The following OR2L13 variants were observed in gnomAD, a reference collection of about 807,000 sequenced individuals.
The protein encoded by OR2L13 is olfactory receptor 2L13.
In OR2L13, 14 loss-of-function variants were observed where a neutral mutation model predicts 15.3. That is an observed-to-expected ratio of 0.91 (90% CI 0.60 to 1.43). The LOEUF is 1.43. Ranked by LOEUF, OR2L13 falls within the 40% of genes most tolerant of loss-of-function variation. The probability of loss-of-function intolerance (pLI) is 0.00; values close to 1 mark genes in which losing one functional copy is unlikely to be tolerated. For missense variants in OR2L13, 367 were observed against 387.9 expected, an observed-to-expected ratio of 0.95 and a Z score of 0.45; for synonymous variants, 152 against 142.9, an observed-to-expected ratio of 1.06 and a Z score of -0.45.
the OR2L13 span, among the ~76,000 whole-genome samples, chr1:248,056,672 C>CT: frequency 0.73 from 98,274 of 135,040 alleles, 37,551 homozygotes; most frequent in South Asian, 0.89. Flanking sequence ...TTTGAGGGGG[C>CT]TTTTTTTTTT....
chr1:248,079,637 T>C, the OR2L13 span, among the ~76,000 whole-genome samples: 2 of 152,258 alleles, frequency 1.3e-5, no homozygotes, highest in Non-Finnish European at 2.9e-5. Context: ...ACATAGCCAG[T>C]CTATTAATTG....
chr1:247,967,854 C>T, the OR2L13 span, among the ~76,000 whole-genome samples: 5 of 129,400 alleles, frequency 3.9e-5, 1 homozygote, highest in African/African-American at 3.5e-5. Context: ...TCCTCCTTCT[C>T]CTCCTCCTCC....
chr1:248,099,248 A>G (rs1664795168), intron 2 of OR2L13, 110 bp from the exon 3 acceptor site: 1 of 665,938 alleles, frequency 1.5e-6, no homozygotes, highest in Non-Finnish European at 2.6e-6. Flanking sequence ...GTTAGTGGAG[A>G]AACAACTCAT....
At chr1:248,024,749 C>A in the OR2L13 span, among the ~76,000 whole-genome samples, 1 of 152,176 alleles carries the variant, frequency 6.6e-6, no homozygotes, top group East Asian at 1.9e-4. Context: ...GGGCTCTGCT[C>A]TGTTCCATTG....
chr1:248,066,613 A>G, the OR2L13 span, among the ~76,000 whole-genome samples: 2 of 152,232 alleles, frequency 1.3e-5, no homozygotes, highest in African/African-American at 4.8e-5. Context: ...ATTTTGTCTC[A>G]CTGCCACCAA....
chr1:247,989,482 G>T, the OR2L13 span, among the ~76,000 whole-genome samples: 1 of 152,004 alleles, frequency 6.6e-6, no homozygotes, highest in Non-Finnish European at 1.5e-5. Flanking sequence ...TTTGTGTTGG[G>T]CAGCAAACAT....
chr1:248,086,266 T>C, the OR2L13 span, among the ~76,000 whole-genome samples: 1 of 152,204 alleles, frequency 6.6e-6, no homozygotes, highest in Non-Finnish European at 1.5e-5. Context: ...TCTTAGACTT[T>C]CTAAATGGTT....
the OR2L13 span, among the ~76,000 whole-genome samples, chr1:248,045,503 G>A: frequency 1.4e-4 from 21 of 152,092 alleles, 1 homozygote; most frequent in Admixed American, 1.3e-3. Flanking sequence ...CTGTCTTACC[G>A]CATCAAATAA....
chr1:248,031,533 G>C, the OR2L13 span, among the ~76,000 whole-genome samples: 4 of 152,198 alleles, frequency 2.6e-5, no homozygotes, highest in East Asian at 5.8e-4. Flanking sequence ...TGACATGCAG[G>C]GGGTGAGGAG....
At chr1:247,964,404 A>G in the OR2L13 span, among the ~76,000 whole-genome samples, 2 of 152,184 alleles carry the variant, frequency 1.3e-5, no homozygotes, top group South Asian at 2.1e-4. Flanking sequence ...GCACAAGTAA[A>G]TTCCAAATTT....
At chr1:248,031,075 G>T in the OR2L13 span, among the ~76,000 whole-genome samples, 1 of 152,060 alleles carries the variant, frequency 6.6e-6, no homozygotes, top group Non-Finnish European at 1.5e-5. Context: ...TTGCTATTTT[G>T]GTGGATAAAA....
the OR2L13 span, among the ~76,000 whole-genome samples, chr1:248,067,059 A>C: frequency 6.6e-6 from 1 of 152,220 alleles, no homozygotes; most frequent in Non-Finnish European, 1.5e-5. Flanking sequence ...CACTGATTTA[A>C]AGTGCAAGAA....
At chr1:248,083,864 A>C in the OR2L13 span, 3 of 1,612,350 alleles carry the variant, frequency 1.9e-6, no homozygotes, top group Non-Finnish European at 2.5e-6. Flanking sequence ...GTCCCACCAC[A>C]GCCACATGTG....
chr1:248,031,256 A>G, the OR2L13 span, among the ~76,000 whole-genome samples: 1 of 152,188 alleles, frequency 6.6e-6, no homozygotes, highest in African/African-American at 2.4e-5. Flanking sequence ...TCTAACAATA[A>G]TATTATATGG....
the OR2L13 span, chr1:247,991,008 G>A: frequency 5.3e-6 from 8 of 1,520,536 alleles, no homozygotes; most frequent in South Asian, 6.7e-5. Context: ...TCACTGTAGT[G>A]ACTTTCTACT....
chr1:248,064,473 T>C, the OR2L13 span, among the ~76,000 whole-genome samples: 1 of 152,182 alleles, frequency 6.6e-6, no homozygotes. Context: ...GTTTATAGGT[T>C]ACCCAGTTTA....
chr1:248,076,013 A>C, the OR2L13 span, among the ~76,000 whole-genome samples: 1 of 152,120 alleles, frequency 6.6e-6, no homozygotes, highest in African/African-American at 2.4e-5. Flanking sequence ...TCCATCTTGA[A>C]TTAATTTTTA....
the OR2L13 span, among the ~76,000 whole-genome samples, chr1:248,059,326 G>A: frequency 6.6e-6 from 1 of 152,074 alleles, no homozygotes; most frequent in East Asian, 1.9e-4. Flanking sequence ...AGTTTCTAAC[G>A]CACCTCTACC....
chr1:248,039,311 TA>T, the OR2L13 span: 1 of 1,059,220 alleles, frequency 9.4e-7, no homozygotes, highest in African/African-American at 1.6e-5. Flanking sequence ...AAACAGAAGT[TA>T]ATCTAGAAGA....
Sources: allele counts gnomAD v4.1 joint callset (sites outside exome capture counted in the v4.1 genomes callset), GRCh38; gene constraint gnomAD v4.1.1; transcripts MANE v1.5; gene names NCBI Gene and HGNC (gene_info 2026-07-23, HGNC 2026-07-21).